Variants in DIAPH2 observed in about 807,000 individuals in gnomAD.
DIAPH2 encodes diaphanous related formin 2, also known as protein diaphanous homolog 2.
In DIAPH2, 35 loss-of-function variants were observed where a neutral mutation model predicts 92.7. The observed-to-expected ratio is 0.38, with a 90% confidence interval of 0.29 to 0.50. DIAPH2 has a LOEUF of 0.50. Ranked by LOEUF, DIAPH2 falls within the 20% of genes least tolerant of loss-of-function variation. The pLI is 0.94. For missense variants in DIAPH2, 701 were observed against 819.5 expected, an observed-to-expected ratio of 0.86 and a Z score of 1.77; for synonymous variants, 301 against 280.4, an observed-to-expected ratio of 1.07 and a Z score of -0.73.
intron 21 of DIAPH2, among the ~76,000 whole-genome samples, chrX:97,122,979 C>T (rs1177196367): frequency 9.0e-6 from 1 of 111,491 alleles, no homozygotes; most frequent in Non-Finnish European, 1.9e-5. Context: ...CATGCTGTAC[C>T]ATTTGTTCAT....
intron 5 of DIAPH2, among the ~76,000 whole-genome samples, chrX:96,910,394 G>A (rs1256093703): frequency 9.0e-6 from 1 of 111,123 alleles, no homozygotes; most frequent in Admixed American, 9.6e-5. Flanking sequence ...TGTGGATGGC[G>A]ATTGGTTCTG....
chrX:97,374,532 C>A (rs1046985170), intron 24 of DIAPH2, among the ~76,000 whole-genome samples: 2 of 111,692 alleles, frequency 1.8e-5, no homozygotes, highest in East Asian at 2.8e-4. Context: ...ATAAGAGGAA[C>A]TTTAAAGGTC....
intron 20 of DIAPH2, among the ~76,000 whole-genome samples, chrX:97,105,842 C>T (rs2066936599): frequency 8.9e-6 from 1 of 112,018 alleles, no homozygotes; most frequent in Admixed American, 9.4e-5. Flanking sequence ...TTGGCTTGGG[C>T]GTAGAAATCT....
intron 4 of DIAPH2, among the ~76,000 whole-genome samples, chrX:96,857,823 C>T (rs1023918181): frequency 8.9e-6 from 1 of 112,424 alleles, no homozygotes; most frequent in African/African-American, 3.2e-5. Flanking sequence ...CCCTGCATGT[C>T]ACACATGGTT....
chrX:97,439,450 G>C (rs1015037600), intron 26 of DIAPH2, among the ~76,000 whole-genome samples: 9 of 110,473 alleles, frequency 8.1e-5, no homozygotes, highest in African/African-American at 2.6e-4. Context: ...GCACGCGCCT[G>C]TAATCCCAGC....
chrX:96,916,420 T>TG lies in DIAPH2; in HGVS notation c.733-18_733-17insG. ...TCCATAGACATTCTGAATGAAGGTT[T>TG]TTTTTTTTTTTTTTTAGTTTGGATT... is the stretch of plus-strand genomic sequence containing the variant. On this transcript the variant is annotated splice_polypyrimidine_tract_variant and intron_variant, in intron 7 of 26. Transcript: ENST00000324765. 1 of 1,020,218 alleles carries TG rather than the reference T, an allele frequency of 9.8e-7. No homozygotes were observed. Among genetic ancestry groups the TG allele is most frequent in the Admixed American group, 4.1e-5 (1 of 24,446 alleles). The allele number at this position is 1,020,218 out of a possible 1,213,427, so 84.1% of individuals were successfully genotyped here. A position where few individuals can be genotyped will look rare whatever the true frequency, so the allele number is the denominator to read the frequency against.
At chrX:96,802,306 G>A (rs747287268) in intron 4 of DIAPH2, among the ~76,000 whole-genome samples, 1 of 111,952 alleles carries the variant, frequency 8.9e-6, no homozygotes, top group East Asian at 2.8e-4. Context: ...CACAGCTTTC[G>A]TAAAACAAAA....
chrX:96,710,611 T>C (rs2063911711), intron 1 of DIAPH2, among the ~76,000 whole-genome samples: 2 of 111,721 alleles, frequency 1.8e-5, no homozygotes, highest in African/African-American at 3.2e-5. Context: ...TGCCTAATGC[T>C]AGTCAATCTT....
intron 1 of DIAPH2, among the ~76,000 whole-genome samples, chrX:96,718,651 G>A (rs1213246828): frequency 9.0e-6 from 1 of 111,148 alleles, no homozygotes; most frequent in Non-Finnish European, 1.9e-5. Flanking sequence ...ACTGTGCCCA[G>A]CCACCACGTT....
At position 96,881,525 on chromosome X, in the gene DIAPH2, A is replaced by C. The variant is rs780574552; in HGVS notation, c.448-54A>C. On this transcript the variant is annotated intron_variant, in intron 4 of 26. Coordinates refer to ENST00000324765, the MANE Select transcript of DIAPH2 (RefSeq NM_006729.5). Reference sequence around the variant, plus strand: ...AAATAAATATTCTATGCATTATTTTACTTAAATTTTTTTTGAAACATTGTC... The same window carrying C: ...AAATAAATATTCTATGCATTATTTTCCTTAAATTTTTTTTGAAACATTGTC... 16 of 1,057,080 alleles carry C rather than the reference A, an allele frequency of 1.5e-5. No individual in the cohort carries two copies. In the South Asian group the frequency reaches 3.1e-4, roughly 20 times the overall value. 87.1% of individuals were successfully genotyped at this position (1,057,080 alleles called of 1,213,427 possible). A position where few individuals can be genotyped will look rare whatever the true frequency, so the allele number is the denominator to read the frequency against.
chrX:96,888,078 G>A (rs1467065232), intron 5 of DIAPH2, among the ~76,000 whole-genome samples: 1 of 102,367 alleles, frequency 9.8e-6, no homozygotes, highest in Non-Finnish European at 2.0e-5. Context: ...TTTTTTTTTT[G>A]AGACAGAGTC....
intron 22 of DIAPH2, among the ~76,000 whole-genome samples, 185 bp downstream of exon 22, chrX:97,141,979 T>C (rs1160653005): frequency 8.9e-6 from 1 of 112,310 alleles, no homozygotes; most frequent in East Asian, 2.8e-4. Context: ...ACCTATTTTG[T>C]CTTACATCAT....
intron 1 of DIAPH2, among the ~76,000 whole-genome samples, chrX:96,704,204 T>C (rs1407691262): frequency 8.9e-6 from 1 of 112,221 alleles, no homozygotes; most frequent in Non-Finnish European, 1.9e-5. Flanking sequence ...TAAAAAGATA[T>C]AGGTCTTTAG....
In DIAPH2 at chrX:97,604,939, C is replaced by T. The variant is rs1233061477; in HGVS notation, c.*5622C>T. On this transcript the variant is annotated 3_prime_UTR_variant, in exon 27 of 27. Transcript: ENST00000324765. Reference sequence around the variant, plus strand: ...TATCTCTAAGCAGGACCAAGAATGACTTGCAATCTATATGTAATGGCTACT... The same window carrying T: ...TATCTCTAAGCAGGACCAAGAATGATTTGCAATCTATATGTAATGGCTACT... 2 of 112,263 alleles carry T rather than the reference C, an allele frequency of 1.8e-5. No individual in the cohort carries two copies. Among genetic ancestry groups the T allele is most frequent in the African/African-American group, 3.2e-5 (1 of 30,863 alleles). 9.3% of individuals were successfully genotyped at this position (112,263 alleles called of 1,213,427 possible).
chrX:97,409,101 T>C (rs1486117295), intron 25 of DIAPH2, among the ~76,000 whole-genome samples: 1 of 112,129 alleles, frequency 8.9e-6, no homozygotes, highest in Non-Finnish European at 1.9e-5. Flanking sequence ...GAGGAAACTC[T>C]GATTATGAAA....
intron 4 of DIAPH2, among the ~76,000 whole-genome samples, chrX:96,796,554 T>G (rs1220866365): frequency 8.9e-6 from 1 of 112,072 alleles, no homozygotes; most frequent in African/African-American, 3.2e-5. Context: ...GTGTGTCATT[T>G]TAACTATTCC....
At chrX:96,833,790 A>G (rs1339525542) in intron 4 of DIAPH2, among the ~76,000 whole-genome samples, 1 of 110,330 alleles carries the variant, frequency 9.1e-6, no homozygotes, top group Admixed American at 9.7e-5. Flanking sequence ...CCTCCCGAGT[A>G]GCTGGGACTA....
intron 26 of DIAPH2, among the ~76,000 whole-genome samples, chrX:97,514,581 G>A (rs1379726371): frequency 4.5e-5 from 5 of 111,586 alleles, no homozygotes; most frequent in East Asian, 5.7e-4. Flanking sequence ...AGGAGGAGAG[G>A]CGCTCTGATT....
At chrX:97,133,143 C>T (rs1470992994) in intron 21 of DIAPH2, among the ~76,000 whole-genome samples, 1 of 112,190 alleles carries the variant, frequency 8.9e-6, no homozygotes, top group African/African-American at 3.2e-5. Context: ...TTTACTACTT[C>T]ATTTCTTATA....
Sources: allele counts gnomAD v4.1 joint callset (sites outside exome capture counted in the v4.1 genomes callset), GRCh38; gene constraint gnomAD v4.1.1; transcripts MANE v1.5; gene names NCBI Gene and HGNC (gene_info 2026-07-23, HGNC 2026-07-21).